Variants in SAP130 observed in about 807,000 individuals in gnomAD.
The protein encoded by SAP130 is Sin3A associated protein 130.
A neutral mutation model predicts 103.2 loss-of-function variants in SAP130; 16 were observed. The ratio of observed to expected loss-of-function variants is 0.16; its 90% CI spans 0.10 to 0.24. The LOEUF is 0.24. SAP130 is among the 10% of genes least tolerant of loss of function. SAP130 has a pLI of 1.00. For synonymous variants in SAP130, 477 were observed against 497.0 expected (o/e 0.96, Z 0.53); for missense variants, 990 against 1,359.7 (o/e 0.73, Z 4.28).
At chr2:127,998,043 G>A (rs544631324) in intron 10 of SAP130, among the ~76,000 whole-genome samples, 1 of 151,326 alleles carries the variant, frequency 6.6e-6, no homozygotes, top group East Asian at 1.9e-4. Flanking sequence ...GAACCTGGGA[G>A]ATTGCAGTGA....
intron 15 of SAP130, among the ~76,000 whole-genome samples, chr2:127,958,503 G>A (rs1368803537): frequency 6.6e-6 from 1 of 152,136 alleles, no homozygotes; most frequent in East Asian, 1.9e-4. Context: ...GAACACATAA[G>A]ATATAAAGAT....
chr2:128,001,914 GAGA>G lies in SAP130; in HGVS notation c.870-1463_870-1461del, dbSNP rs1264582920. ...AAATACCAATATGCGTCCATTACCA[GAGA>G]AGGAGTGAAAAAAACTTTTTTTTTT... On this transcript the variant is annotated intron_variant, in intron 7 of 20. Coordinates refer to ENST00000643581, the MANE Select transcript of SAP130 (RefSeq NM_001330301.2). Among the ~76,000 whole-genome samples, 9 of 151,646 alleles carry G rather than the reference GAGA, an allele frequency of 5.9e-5. No individual in the cohort carries two copies. In the East Asian group the frequency reaches 1.7e-3, roughly 29 times the overall value.
intron 1 of SAP130, chr2:128,027,349 C>T (rs1328302117): frequency 1.7e-6 from 2 of 1,151,524 alleles, no homozygotes; most frequent in Non-Finnish European, 2.1e-6. Context: ...ACGCCCGACG[C>T]GTCAGTGGAG....
intron 1 of SAP130, chr2:128,027,121 C>A: frequency 7.1e-7 from 1 of 1,404,648 alleles, no homozygotes; most frequent in South Asian, 1.6e-5. Flanking sequence ...CCCGCACCGC[C>A]CGCTTCTATC....
intron 18 of SAP130, among the ~76,000 whole-genome samples, chr2:127,947,138 G>T (rs1679144256): frequency 6.6e-6 from 1 of 151,888 alleles, no homozygotes. Flanking sequence ...GAACACCAAA[G>T]ATCGCTGGCA....
At position 127,978,560 on chromosome 2, in the gene SAP130, T is replaced by G. The variant is rs2104926185; in HGVS notation, c.1959-471A>C. Among the ~76,000 whole-genome samples the G allele has an allele frequency of 1.3e-5, 2 of 152,354 alleles. 1 individual carries two copies. The highest frequency in any genetic ancestry group is 4.1e-4 in the South Asian group (2 of 4,830). Reference sequence around the variant, plus strand: ...GCAGCAGAGAGGCCACGTAAGGCTCTGACAGAGAATTATCCATCAGGTTAG... The same window carrying G: ...GCAGCAGAGAGGCCACGTAAGGCTCGGACAGAGAATTATCCATCAGGTTAG... On this transcript the variant is annotated intron_variant, in intron 14 of 20. Coordinates refer to ENST00000643581, the MANE Select transcript of SAP130 (RefSeq NM_001330301.2).
Position 127,950,414 on chromosome 2 carries a change from A to G in SAP130, c.2423-6T>C. ...GGTAGCCAGTGGAGGAACTGCTGTC[A>G]TAGGAAAAGGAGCACACATATCTGT... On this transcript the variant is annotated splice_region_variant and splice_polypyrimidine_tract_variant and intron_variant, in intron 16 of 20. Coordinates refer to ENST00000643581, the MANE Select transcript of SAP130 (RefSeq NM_001330301.2). 6.2e-7 allele frequency: 1 copy of G among 1,614,100 alleles called. No homozygotes were observed. Among genetic ancestry groups the G allele is most frequent in the Non-Finnish European group, 8.5e-7 (1 of 1,179,946 alleles).
chr2:127,982,095 T>C (rs1681980807), intron 14 of SAP130, among the ~76,000 whole-genome samples: 1 of 151,224 alleles, frequency 6.6e-6, no homozygotes, highest in Non-Finnish European at 1.5e-5. Context: ...TATACTTCCA[T>C]GAAAATGATG....
At chr2:127,980,311 T>C (rs1343960115) in intron 14 of SAP130, among the ~76,000 whole-genome samples, 1 of 151,786 alleles carries the variant, frequency 6.6e-6, no homozygotes, top group Non-Finnish European at 1.5e-5. Context: ...CAAAAACAAA[T>C]TTAAAAAAAA....
At chr2:127,980,497 T>C (rs1258591778) in intron 14 of SAP130, among the ~76,000 whole-genome samples, 3 of 152,018 alleles carry the variant, frequency 2.0e-5, no homozygotes, top group Admixed American at 6.6e-5. Flanking sequence ...CCCTATGACA[T>C]AGCAAATCCC....
At chr2:128,021,364 T>A (rs1685141966) in intron 2 of SAP130, among the ~76,000 whole-genome samples, 1 of 151,652 alleles carries the variant, frequency 6.6e-6, no homozygotes, top group Non-Finnish European at 1.5e-5. Flanking sequence ...GCAGAATTGC[T>A]TGAACCCGGG....
intron 12 of SAP130, 86 bp downstream of exon 12, chr2:127,993,101 T>A: frequency 6.8e-7 from 1 of 1,460,486 alleles, no homozygotes; most frequent in South Asian, 1.2e-5. Flanking sequence ...ATTAATCTCA[T>A]ACAAAAAATA....
chr2:127,945,336 C>A lies in SAP130; in HGVS notation c.2901+120G>T. 6.2e-6 allele frequency: 4 copies of A among 640,278 alleles called. No individual in the cohort carries two copies. The South Asian group carries it at 7.3e-5, about 12-fold the overall frequency. 39.7% of individuals were successfully genotyped at this position (640,278 alleles called of 1,614,324 possible). A position where few individuals can be genotyped will look rare whatever the true frequency, so the allele number is the denominator to read the frequency against. On this transcript the variant is annotated intron_variant, in intron 19 of 20. Transcript: ENST00000643581. Reference sequence around the variant, plus strand: ...TACATAGCACACATAAAAATTCTATCATAACCCATGTTAGCTGGGAATGCT... The same window carrying A: ...TACATAGCACACATAAAAATTCTATAATAACCCATGTTAGCTGGGAATGCT...
chr2:128,021,446 C>CA (rs774054953), intron 2 of SAP130, among the ~76,000 whole-genome samples: 11,796 of 71,050 alleles, frequency 0.17, 622 homozygotes, highest in Middle Eastern at 0.31. Flanking sequence ...GACTCCATCT[C>CA]AAAAAAAAAA....
chr2:128,027,401 C>A, intron 1 of SAP130: 1 of 1,133,728 alleles, frequency 8.8e-7, no homozygotes, highest in Non-Finnish European at 1.1e-6. Flanking sequence ...TCAGAGCCCG[C>A]CCCACCCTCC....
rs926487157 is a variant in SAP130 at position 127,988,348 on chromosome 2, CAGA to C, written c.1780+1213_1780+1215del. Among the ~76,000 whole-genome samples, 3 of 149,974 alleles carry C rather than the reference CAGA, an allele frequency of 2.0e-5. No individual in the cohort carries two copies. In the South Asian group the frequency reaches 6.3e-4, roughly 31 times the overall value. On this transcript the variant is annotated intron_variant, in intron 13 of 20. Transcript: ENST00000643581. ...CTGAGGCATAAGGACTGCTTGAGCC[CAGA>C]AGGTCAAGGCTACAGTGAGCCATGA...
chr2:127,951,568 T>G (rs760739907), intron 16 of SAP130, among the ~76,000 whole-genome samples: 4 of 152,316 alleles, frequency 2.6e-5, no homozygotes. Context: ...CTCATCCCTC[T>G]CATGTCTATC....
In SAP130 at chr2:127,986,189, A is replaced by G. The variant is rs796574501; in HGVS notation, c.1958+596T>C. ...GGGTCTAATTGAGCTGGTTAATGCA[A>G]GCCATCTATGGATGGCTAAACTAAA... On this transcript the variant is annotated intron_variant, in intron 14 of 20. Transcript: ENST00000643581. This position sits in a 1 kb window ranked among gnomAD's most constrained non-coding sequence, Gnocchi z 4.7. Among the ~76,000 whole-genome samples the G allele has an allele frequency of 1.3e-5, 2 of 152,256 alleles. No individual in the cohort carries two copies. Among genetic ancestry groups the G allele is most frequent in the South Asian group, 4.1e-4 (2 of 4,838 alleles).
At position 127,989,916 on chromosome 2, in the gene SAP130, C is replaced by G. The variant is rs115985093; in HGVS notation, c.1478-50G>C. ...ATAAGAAGGTTAGCTTCATTTCACA[C>G]AGTCCACATAAAGAGAGAAACACTA... On this transcript the variant is annotated intron_variant, in intron 12 of 20. Transcript: ENST00000643581. This position sits in a 1 kb window ranked among gnomAD's most constrained non-coding sequence, Gnocchi z 4.6. The G allele has an allele frequency of 6.5e-7, 1 of 1,542,484 alleles. No homozygotes were observed. Among genetic ancestry groups the G allele is most frequent in the African/African-American group, 1.4e-5 (1 of 73,460 alleles).
Sources: gnomAD v4.1 joint callset for allele counts (sites outside exome capture counted in the v4.1 genomes callset) on GRCh38, gnomAD v4.1.1 for gene constraint, Gnocchi (gnomAD v3.1) non-coding constraint, MANE v1.5 for transcripts, NCBI Gene and HGNC (gene_info 2026-07-23, HGNC 2026-07-21) for gene names.